Variants in NKIRAS1 observed in about 807,000 individuals in gnomAD.
NKIRAS1 encodes the protein NFKB inhibitor interacting Ras like 1.
Under a neutral mutation model 19.8 loss-of-function variants are expected in NKIRAS1, and 16 were observed. The ratio of observed to expected loss-of-function variants is 0.81; its 90% CI spans 0.55 to 1.23. The LOEUF is 1.23. Among genes scored for constraint, NKIRAS1 ranks in the 50% most tolerant of loss-of-function variants. The pLI is 0.00. For synonymous variants in NKIRAS1, 88 were observed against 79.0 expected (o/e 1.11, Z -0.61); for missense variants, 184 against 220.0 (o/e 0.84, Z 1.04).
intron 3 of NKIRAS1, among the ~76,000 whole-genome samples, chr3:23,909,741 G>A (rs758695238): frequency 5.9e-5 from 9 of 151,892 alleles, no homozygotes; most frequent in East Asian, 5.8e-4. Context: ...TTGACTCAGC[G>A]AATGAATAAA....
chr3:23,891,928 T>C lies in NKIRAS1; in HGVS notation c.*1167A>G, dbSNP rs1195161186. ...AAGGGGGTGAGTTAGTGTCTGGTAA[T>C]TTTTTTTTACCAAAAAATGAATTTA... is the stretch of plus-strand genomic sequence containing the variant. On this transcript the variant is annotated 3_prime_UTR_variant, in exon 5 of 5. Coordinates refer to ENST00000425478, the MANE Select transcript of NKIRAS1 (RefSeq NM_020345.4). 1.3e-5 allele frequency: 2 copies of C among 151,480 alleles called. No homozygotes were observed. The highest frequency in any genetic ancestry group is 2.9e-5 in the Non-Finnish European group (2 of 67,830). 9.4% of individuals were successfully genotyped at this position (151,480 alleles called of 1,614,324 possible).
chr3:23,921,476 T>A (rs192460160), upstream of NKIRAS1: 1 of 636,398 alleles, frequency 1.6e-6, no homozygotes, highest in Admixed American at 2.6e-5. Flanking sequence ...AGGGTCACTT[T>A]ATTAGCTATA....
At chr3:23,934,625 C>T (rs1189939744) in intron 1 of NKIRAS1, among the ~76,000 whole-genome samples, 2 of 152,130 alleles carry the variant, frequency 1.3e-5, no homozygotes, top group Non-Finnish European at 2.9e-5. Flanking sequence ...GGCATGCTGG[C>T]AGCACTCTCG....
chr3:23,899,296 T>C (rs955938566), intron 4 of NKIRAS1, among the ~76,000 whole-genome samples: 5 of 152,162 alleles, frequency 3.3e-5, no homozygotes, highest in African/African-American at 7.2e-5. Flanking sequence ...TACTAGAGTT[T>C]TGAAGATGGT....
At chr3:23,909,540 T>C (rs1218852556) in intron 3 of NKIRAS1, among the ~76,000 whole-genome samples, 1 of 151,960 alleles carries the variant, frequency 6.6e-6, no homozygotes, top group Non-Finnish European at 1.5e-5. Flanking sequence ...AAAACAGAAA[T>C]GTGCTTTAAG....
chr3:23,894,695 C>T (rs1204393057), intron 4 of NKIRAS1, among the ~76,000 whole-genome samples: 2 of 152,118 alleles, frequency 1.3e-5, no homozygotes, highest in African/African-American at 2.4e-5. Flanking sequence ...AGTCCTGCTT[C>T]CTCTATCACT....
chr3:23,933,157 G>T (rs1705344324), intron 1 of NKIRAS1, among the ~76,000 whole-genome samples: 1 of 152,170 alleles, frequency 6.6e-6, no homozygotes, highest in South Asian at 2.1e-4. Context: ...CCTGTGTATT[G>T]TGTTAAGTGC....
rs1207505018 is a variant in NKIRAS1 at position 23,891,936 on chromosome 3, T to TA, written c.*1158dup. 2.0e-5 allele frequency: 3 copies of TA among 152,174 alleles called. No homozygotes were observed. The highest frequency in any genetic ancestry group is 7.2e-5 in the African/African-American group (3 of 41,450). The allele number at this position is 152,174 out of a possible 1,614,324, so 9.4% of individuals were successfully genotyped here. A position where few individuals can be genotyped will look rare whatever the true frequency, so the allele number is the denominator to read the frequency against. ...GAGTTAGTGTCTGGTAATTTTTTTT[T>TA]ACCAAAAAATGAATTTATGATGAGA... On this transcript the variant is annotated 3_prime_UTR_variant, in exon 5 of 5. Coordinates refer to ENST00000425478, the MANE Select transcript of NKIRAS1 (RefSeq NM_020345.4).
upstream of NKIRAS1, chr3:23,919,093 A>AC (rs1406315882): frequency 1.3e-6 from 1 of 757,294 alleles, no homozygotes; most frequent in African/African-American, 1.7e-5. Context: ...GTAGTAAAAG[A>AC]CTCTTGTCTG....
rs1705207742 is a variant in NKIRAS1 at position 23,926,135 on chromosome 3, C to T, written c.-139-14685G>A. 6.6e-6 allele frequency among the ~76,000 whole-genome samples: 1 copy of T among 152,196 alleles called. No individual in the cohort carries two copies. The highest frequency in any genetic ancestry group is 2.4e-5 in the African/African-American group (1 of 41,440). On this transcript the variant is annotated intron_variant, in intron 1 of 4. Coordinates refer to the NKIRAS1 transcript ENST00000421515. This position sits in a 1 kb window ranked among gnomAD's most constrained non-coding sequence, Gnocchi z 4.3. Reference sequence around the variant, plus strand: ...GCACAATCTTGGCTCACTGTAACCTCTGCCTCCCAGGTTCAAGCAATTCTC... The same window carrying T: ...GCACAATCTTGGCTCACTGTAACCTTTGCCTCCCAGGTTCAAGCAATTCTC...
upstream of NKIRAS1, chr3:23,918,034 A>G: frequency 6.2e-7 from 1 of 1,604,564 alleles, no homozygotes; most frequent in Non-Finnish European, 8.5e-7. Context: ...CAAGCAAGGT[A>G]CGTGATCGAC....
chr3:23,902,847 C>G (rs34636993), intron 3 of NKIRAS1, among the ~76,000 whole-genome samples: 1 of 152,306 alleles, frequency 6.6e-6, no homozygotes, highest in African/African-American at 2.4e-5. Flanking sequence ...ACCATGAAAA[C>G]AGGGCAATTA....
chr3:23,925,373 C>T (rs2125263356), intron 1 of NKIRAS1, among the ~76,000 whole-genome samples: 1 of 152,238 alleles, frequency 6.6e-6, no homozygotes, highest in Non-Finnish European at 1.5e-5. Context: ...GTGGCTCACA[C>T]CTGTAATCCT....
At chr3:23,924,601 T>C (rs1449025840) in intron 1 of NKIRAS1, among the ~76,000 whole-genome samples, 1 of 152,114 alleles carries the variant, frequency 6.6e-6, no homozygotes, top group Non-Finnish European at 1.5e-5. Context: ...GTTTGCACCA[T>C]GTTTGCCAGG....
chr3:23,900,452 C>T (rs958266478), intron 4 of NKIRAS1, among the ~76,000 whole-genome samples: 6 of 151,862 alleles, frequency 4.0e-5, no homozygotes, highest in Non-Finnish European at 1.5e-5. Context: ...CTGGCCAACG[C>T]GGTAATACCC....
chr3:23,945,796 C>A (rs1166271794), intron 1 of NKIRAS1, among the ~76,000 whole-genome samples: 1 of 150,474 alleles, frequency 6.6e-6, no homozygotes, highest in African/African-American at 2.4e-5. Context: ...CCTGCAAAGC[C>A]GCAGCGCGGC....
intron 1 of NKIRAS1, chr3:23,946,070 C>G: frequency 7.1e-6 from 7 of 983,640 alleles, no homozygotes; most frequent in South Asian, 9.4e-5. Flanking sequence ...CGCAGCCTCC[C>G]GGGAGGCTCC....
At chr3:23,934,540 T>C (rs4578971) in intron 1 of NKIRAS1, among the ~76,000 whole-genome samples, 97,444 of 151,978 alleles carry the variant, frequency 0.64, 31,440 homozygotes, top group Middle Eastern at 0.73. Context: ...AAGTCCCAGC[T>C]TGAACTTTTC....
intron 3 of NKIRAS1, among the ~76,000 whole-genome samples, chr3:23,910,384 A>G (rs1211599593): frequency 6.7e-6 from 1 of 148,796 alleles, no homozygotes; most frequent in Non-Finnish European, 1.5e-5. Flanking sequence ...TGAACTCCTG[A>G]CATCAGGTGA....
Sources: gnomAD v4.1 joint callset for allele counts (sites outside exome capture counted in the v4.1 genomes callset) on GRCh38, gnomAD v4.1.1 for gene constraint, Gnocchi (gnomAD v3.1) non-coding constraint, MANE v1.5 for transcripts, NCBI Gene and HGNC (gene_info 2026-07-23, HGNC 2026-07-21) for gene names.